ARHGAP12: variants seen among roughly 807,000 people sequenced by gnomAD.
ARHGAP12 encodes the protein rho GTPase-activating protein 12.
A neutral mutation model predicts 108.6 loss-of-function variants in ARHGAP12; 64 were observed. The observed-to-expected ratio is 0.59, with a 90% CI of 0.48 to 0.73. The LOEUF (loss-of-function observed/expected upper bound fraction) is 0.73. Ranked by LOEUF, ARHGAP12 falls within the 30% of genes least tolerant of loss-of-function variation. The pLI, the probability that ARHGAP12 is intolerant of heterozygous loss-of-function variation, is 0.00. For synonymous variants in ARHGAP12, 312 were observed against 337.2 expected (o/e 0.93, Z 0.82); for missense variants, 940 against 1,005.9 (o/e 0.93, Z 0.89).
chr10:31,911,316 A>G (rs1839338115), intron 1 of ARHGAP12, among the ~76,000 whole-genome samples: 1 of 152,128 alleles, frequency 6.6e-6, no homozygotes, highest in Non-Finnish European at 1.5e-5. Flanking sequence ...GAGCCACCGC[A>G]CCTGGCTATT....
chr10:31,836,126 C>T (rs1003803406), intron 9 of ARHGAP12, among the ~76,000 whole-genome samples: 2 of 152,040 alleles, frequency 1.3e-5, no homozygotes, highest in African/African-American at 4.8e-5. Flanking sequence ...AAATAAGCAA[C>T]TTGTCCATTA....
intron 16 of ARHGAP12, 117 bp from the exon 17 acceptor site, chr10:31,809,424 G>A: frequency 1.1e-6 from 1 of 904,604 alleles, no homozygotes; most frequent in Non-Finnish European, 1.8e-6. Context: ...AATCAAATGG[G>A]CAAATATTCT....
chr10:31,831,661 T>C, intron 10 of ARHGAP12, 78 bp downstream of exon 10: 2 of 953,674 alleles, frequency 2.1e-6, no homozygotes, highest in South Asian at 1.9e-5. Context: ...CTATTGTTTA[T>C]ACTAAAATAA....
chr10:31,885,890 A>C (rs1007691250), intron 3 of ARHGAP12, among the ~76,000 whole-genome samples: 1 of 152,156 alleles, frequency 6.6e-6, no homozygotes, highest in Non-Finnish European at 1.5e-5. Context: ...ATAGCTTAAA[A>C]AAAAGAGGGC....
At chr10:31,863,192 C>G (rs1206015603) in intron 3 of ARHGAP12, among the ~76,000 whole-genome samples, 2 of 152,092 alleles carry the variant, frequency 1.3e-5, no homozygotes, top group Non-Finnish European at 2.9e-5. Context: ...TATCACTAAA[C>G]AACATCTTTC....
chr10:31,902,742 AAAAT>A (rs1838981408), intron 3 of ARHGAP12, among the ~76,000 whole-genome samples: 1 of 152,186 alleles, frequency 6.6e-6, no homozygotes, highest in African/African-American at 2.4e-5. Context: ...AACTTAAAAA[AAAAT>A]AAAGCATTCA....
chr10:31,876,256 G>A (rs755836396), intron 3 of ARHGAP12, among the ~76,000 whole-genome samples: 8 of 152,136 alleles, frequency 5.3e-5, no homozygotes, highest in Non-Finnish European at 1.0e-4. Flanking sequence ...AGTGGCTCAC[G>A]CCTGTAATCC....
At chr10:31,852,445 C>A in intron 6 of ARHGAP12, 72 bp downstream of exon 6, 1 of 1,168,666 alleles carries the variant, frequency 8.6e-7, no homozygotes, top group South Asian at 1.3e-5. Context: ...TAAAATAAAT[C>A]TGCTGAAACC....
At chr10:31,883,238 T>C (rs1266450369) in intron 3 of ARHGAP12, among the ~76,000 whole-genome samples, 2 of 152,082 alleles carry the variant, frequency 1.3e-5, no homozygotes, top group Admixed American at 1.3e-4. Flanking sequence ...GAGGTTGTGG[T>C]GAGTTGAGAT....
chr10:31,922,677 C>T (rs1225440415), intron 1 of ARHGAP12, among the ~76,000 whole-genome samples: 1 of 151,986 alleles, frequency 6.6e-6, no homozygotes, highest in Non-Finnish European at 1.5e-5. Flanking sequence ...TAAAAGCTTC[C>T]CACAAAGAAA....
At chr10:31,811,497 C>T (rs1835014238) in intron 15 of ARHGAP12, among the ~76,000 whole-genome samples, 1 of 148,982 alleles carries the variant, frequency 6.7e-6, no homozygotes, top group Admixed American at 6.7e-5. Flanking sequence ...GGGAAAAGGC[C>T]TGGTGAACAA....
chr10:31,866,626 T>A (rs1837333953), intron 3 of ARHGAP12, among the ~76,000 whole-genome samples: 1 of 152,128 alleles, frequency 6.6e-6, no homozygotes, highest in African/African-American at 2.4e-5. Flanking sequence ...CTCCCTTTTT[T>A]TTTTGGTCTC....
rs1012931590 is a variant in ARHGAP12 at position 31,826,271 on chromosome 10, T to C, written c.1530+33A>G. 9 of 1,530,364 alleles carry C rather than the reference T, an allele frequency of 5.9e-6. No homozygotes were observed. In the African/African-American group the frequency reaches 1.1e-4, roughly 19 times the overall value. The allele number at this position is 1,530,364 out of a possible 1,614,324, so 94.8% of individuals were successfully genotyped here. A position where few individuals can be genotyped will look rare whatever the true frequency, so the allele number is the denominator to read the frequency against. The stretch of plus-strand genomic sequence containing the variant: ...TACGATACTATTCACATAATTTAAA[T>C]GTATAAAATCTCCAAAGAGAAGAAA... On this transcript the variant is annotated intron_variant, in intron 11 of 19. Coordinates refer to ENST00000344936, the MANE Select transcript of ARHGAP12 (RefSeq NM_018287.7).
In ARHGAP12 at chr10:31,879,542, T is replaced by C. The variant is rs1486057679; in HGVS notation, c.685-17884A>G. Reference sequence around the variant, plus strand: ...GTTGGCTCAAGTCAAAGAGACAAAATACAGAATTTCTACCTCTCAAAATTG... The same window carrying C: ...GTTGGCTCAAGTCAAAGAGACAAAACACAGAATTTCTACCTCTCAAAATTG... On this transcript the variant is annotated intron_variant, in intron 3 of 19. Transcript: ENST00000344936. Among the ~76,000 whole-genome samples the C allele has an allele frequency of 3.3e-5, 5 of 152,182 alleles. No individual in the cohort carries two copies. The East Asian group carries it at 9.6e-4, about 29-fold the overall frequency.
At chr10:31,835,905 G>A (rs1014793733) in intron 9 of ARHGAP12, among the ~76,000 whole-genome samples, 13 of 152,064 alleles carry the variant, frequency 8.5e-5, no homozygotes, top group South Asian at 2.1e-4. Flanking sequence ...TTGGGGTGAC[G>A]AAAAGTCCTA....
chr10:31,861,032 G>A (rs1364841807), intron 4 of ARHGAP12, among the ~76,000 whole-genome samples: 1 of 152,190 alleles, frequency 6.6e-6, no homozygotes, highest in East Asian at 1.9e-4. Context: ...TCCAGCCTGG[G>A]CAACAGAGCT....
chr10:31,915,249 G>A (rs758983754), intron 1 of ARHGAP12, among the ~76,000 whole-genome samples: 6 of 152,104 alleles, frequency 3.9e-5, no homozygotes, highest in African/African-American at 9.7e-5. Flanking sequence ...AGCCAGGCGT[G>A]GTAGCGCATG....
At chr10:31,832,724 A>T (rs757085851) in intron 9 of ARHGAP12, among the ~76,000 whole-genome samples, 1 of 152,210 alleles carries the variant, frequency 6.6e-6, no homozygotes, top group Non-Finnish European at 1.5e-5. Flanking sequence ...TTACTCTGCT[A>T]TATTTTCTCA....
At chr10:31,852,646 T>G in intron 5 of ARHGAP12, 49 bp from the exon 6 acceptor site, 1 of 1,231,700 alleles carries the variant, frequency 8.1e-7, no homozygotes, top group South Asian at 1.2e-5. Flanking sequence ...TAAAAGTGAG[T>G]TTAAGCTACT....
Sources: gnomAD v4.1 joint callset for allele counts (sites outside exome capture counted in the v4.1 genomes callset) on GRCh38, gnomAD v4.1.1 for gene constraint, MANE v1.5 for transcripts, NCBI Gene and HGNC (gene_info 2026-07-23, HGNC 2026-07-21) for gene names.